TRIM2: variants seen among roughly 807,000 people sequenced by gnomAD.
TRIM2 encodes the protein tripartite motif containing 2, also known as tripartite motif-containing protein 2.
TRIM2 carries 20 observed loss-of-function variants against 75.2 expected under a neutral mutation model. That is an observed-to-expected ratio of 0.27 (90% CI 0.19 to 0.39). The LOEUF (loss-of-function observed/expected upper bound fraction) is 0.39. Ranked by LOEUF, TRIM2 falls within the 10% of genes least tolerant of loss-of-function variation. The probability of loss-of-function intolerance (pLI) is 1.00; values close to 1 mark genes in which losing one functional copy is unlikely to be tolerated. For missense variants in TRIM2, 660 were observed against 990.8 expected (o/e 0.67, Z 4.48); for synonymous variants, 373 against 388.3 (o/e 0.96, Z 0.46).
At chr4:153,287,197 C>T (rs1760839362) in intron 3 of TRIM2, among the ~76,000 whole-genome samples, 1 of 152,126 alleles carries the variant, frequency 6.6e-6, no homozygotes, top group Admixed American at 6.5e-5. Flanking sequence ...TCAAGCTGGT[C>T]TTGACCTCCT....
chr4:153,164,915 TTTTTG>T (rs1395318878), intron 1 of TRIM2, among the ~76,000 whole-genome samples: 7 of 152,230 alleles, frequency 4.6e-5, no homozygotes, highest in African/African-American at 1.7e-4. Flanking sequence ...GCTGGATTTT[TTTTTG>T]TTTTGTTTTA....
At chr4:153,275,717 C>T (rs147412814) in intron 2 of TRIM2, among the ~76,000 whole-genome samples, 176 bp from the exon 3 acceptor site, 10 of 152,282 alleles carry the variant, frequency 6.6e-5, no homozygotes, top group African/African-American at 2.4e-4. Context: ...TCATTTGCCT[C>T]ATTAGTGTGA....
chr4:153,249,214 G>T (rs891415473), intron 1 of TRIM2, among the ~76,000 whole-genome samples: 2 of 152,390 alleles, frequency 1.3e-5, no homozygotes, highest in Admixed American at 1.3e-4. Context: ...AAAGACAGAG[G>T]TTCGGAATAC....
intron 8 of TRIM2, among the ~76,000 whole-genome samples, chr4:153,317,154 A>G (rs1386476111): frequency 6.7e-6 from 1 of 149,828 alleles, no homozygotes; most frequent in Admixed American, 6.6e-5. Context: ...TGCTGGGATT[A>G]CAGGCGTGAG....
chr4:153,263,638 T>A (rs918673406), intron 1 of TRIM2, among the ~76,000 whole-genome samples: 1 of 152,206 alleles, frequency 6.6e-6, no homozygotes, highest in Non-Finnish European at 1.5e-5. Flanking sequence ...ATCCAAAATA[T>A]ATAAATTACA....
At chr4:153,331,417 A>G (rs1186086591) in intron 11 of TRIM2, among the ~76,000 whole-genome samples, 1 of 152,220 alleles carries the variant, frequency 6.6e-6, no homozygotes, top group Non-Finnish European at 1.5e-5. Flanking sequence ...AATCACTGAA[A>G]AAATATATAC....
At chr4:153,291,091 C>T (rs1039453827) in intron 3 of TRIM2, among the ~76,000 whole-genome samples, 18 of 151,970 alleles carry the variant, frequency 1.2e-4, no homozygotes, top group African/African-American at 4.4e-4. Context: ...CTTTCTAAAC[C>T]TCTTACTATG....
At chr4:153,333,914 G>C (rs904595960) in intron 11 of TRIM2, among the ~76,000 whole-genome samples, 1 of 152,042 alleles carries the variant, frequency 6.6e-6, no homozygotes, top group Non-Finnish European at 1.5e-5. Flanking sequence ...GAAGATTTTG[G>C]TATCAGTCTC....
chr4:153,160,784 T>C (rs897460731), intron 1 of TRIM2, among the ~76,000 whole-genome samples: 4 of 152,170 alleles, frequency 2.6e-5, no homozygotes, highest in South Asian at 2.1e-4. Flanking sequence ...ATTTTTTTCA[T>C]AGAGACAAGG....
chr4:153,330,839 C>T (rs1362646958), intron 11 of TRIM2, among the ~76,000 whole-genome samples: 1 of 152,122 alleles, frequency 6.6e-6, no homozygotes, highest in Non-Finnish European at 1.5e-5. Context: ...CAATATAATA[C>T]TAGAAGTTCT....
intron 6 of TRIM2, among the ~76,000 whole-genome samples, chr4:153,306,896 C>T (rs1266263019): frequency 2.0e-5 from 3 of 152,252 alleles, no homozygotes; most frequent in Non-Finnish European, 4.4e-5. Flanking sequence ...TATAATTATC[C>T]TTACTGTTGA....
intron 1 of TRIM2, among the ~76,000 whole-genome samples, chr4:153,221,588 C>G (rs894761389): frequency 6.6e-6 from 1 of 152,110 alleles, no homozygotes; most frequent in African/African-American, 2.4e-5. Context: ...CCTCTGCCCC[C>G]CAAAGAAGAT....
intron 1 of TRIM2, among the ~76,000 whole-genome samples, chr4:153,238,860 G>A (rs1745704159): frequency 6.6e-6 from 1 of 152,222 alleles, no homozygotes; most frequent in African/African-American, 2.4e-5. Flanking sequence ...GAGACAGACT[G>A]TCTTGTACAG....
chr4:153,273,158 A>G (rs900224664), intron 2 of TRIM2, among the ~76,000 whole-genome samples: 8 of 151,872 alleles, frequency 5.3e-5, no homozygotes, highest in African/African-American at 1.9e-4. Flanking sequence ...GTTTATGCAG[A>G]GACAAAACTT....
intron 1 of TRIM2, among the ~76,000 whole-genome samples, chr4:153,223,373 G>C (rs1741231592): frequency 6.6e-6 from 1 of 152,232 alleles, no homozygotes; most frequent in African/African-American, 2.4e-5. Context: ...CAATCTGAAA[G>C]CAGGACTGTA....
chr4:153,193,226 G>T (rs1733400925), intron 1 of TRIM2, among the ~76,000 whole-genome samples: 1 of 146,936 alleles, frequency 6.8e-6, no homozygotes, highest in South Asian at 2.1e-4. Flanking sequence ...CTGCCTCCCA[G>T]GTTCATGACA....
intron 1 of TRIM2, among the ~76,000 whole-genome samples, chr4:153,244,355 C>CTTCCTCTTCTTCTTCTCCTTCT (rs1748079616): frequency 1.6e-4 from 2 of 12,714 alleles, no homozygotes; most frequent in Non-Finnish European, 2.6e-4. Context: ...CTTCTTCTTC[C>CTTCCTCTTCTTCTTCTCCTTCT]TCTTCTTCTT....
intron 2 of TRIM2, among the ~76,000 whole-genome samples, chr4:153,274,375 C>T (rs550943471): frequency 6.6e-6 from 1 of 152,294 alleles, no homozygotes; most frequent in South Asian, 2.1e-4. Flanking sequence ...TTAAGAATGA[C>T]TCCTAGTTTC....
chr4:153,324,795 T>C (rs1769798248), intron 10 of TRIM2, among the ~76,000 whole-genome samples: 1 of 152,230 alleles, frequency 6.6e-6, no homozygotes, highest in South Asian at 2.1e-4. Flanking sequence ...TAGATCAGGC[T>C]TCTCAAGGTG....
Sources: allele counts gnomAD v4.1 joint callset (sites outside exome capture counted in the v4.1 genomes callset), GRCh38; gene constraint gnomAD v4.1.1; transcripts MANE v1.5; gene names NCBI Gene and HGNC (gene_info 2026-07-23, HGNC 2026-07-21).